BCAS3: variants seen among roughly 807,000 people sequenced by gnomAD.
BCAS3 encodes the protein BCAS4/BCAS3 fusion.
A neutral mutation model predicts 116.1 loss-of-function variants in BCAS3; 53 were observed. That is an observed-to-expected ratio of 0.46 (90% confidence interval 0.37 to 0.57). The LOEUF (loss-of-function observed/expected upper bound fraction) is 0.57. BCAS3 is among the 20% of genes least tolerant of loss of function. The pLI, the probability that BCAS3 is intolerant of heterozygous loss-of-function variation, is 0.00. For synonymous variants in BCAS3, 391 were observed against 408.2 expected (o/e 0.96, Z 0.51); for missense variants, 917 against 1,165.4 (o/e 0.79, Z 3.10).
chr17:60,879,092 G>A lies in BCAS3; in HGVS notation c.661+4354G>A, dbSNP rs79018148. On this transcript the variant is annotated intron_variant, in intron 9 of 23. Transcript: ENST00000407086. The stretch of plus-strand genomic sequence containing the variant: ...TATAGAGACTGGAGGATAGGATACT[G>A]GGATGTAGGGAGCAGGTGGGACAGG... Among the ~76,000 whole-genome samples the A allele has an allele frequency of 7.8e-3, 1,192 of 152,204 alleles. 29 individuals are homozygous for A. Among genetic ancestry groups the A allele is most frequent in the East Asian group, 0.068 (351 of 5,170 alleles).
intron 12 of BCAS3, 118 bp from the exon 13 acceptor site, chr17:60,924,289 T>C: frequency 2.5e-6 from 2 of 789,744 alleles, no homozygotes; most frequent in South Asian, 1.7e-5. Context: ...AAGAATAATC[T>C]GCTAGAGTGG....
chr17:60,988,347 T>C (rs1392944523), intron 14 of BCAS3, among the ~76,000 whole-genome samples: 1 of 143,730 alleles, frequency 7.0e-6, no homozygotes, highest in East Asian at 2.0e-4. Context: ...TCTTTTTTTT[T>C]TTTTTTTTTT....
At chr17:60,899,613 T>A (rs1450038885) in intron 10 of BCAS3, among the ~76,000 whole-genome samples, 1 of 152,102 alleles carries the variant, frequency 6.6e-6, no homozygotes, top group African/African-American at 2.4e-5. Context: ...TTCTCCTGCC[T>A]CAGCCTCCTG....
intron 22 of BCAS3, among the ~76,000 whole-genome samples, chr17:61,177,120 A>T (rs1210784769): frequency 6.6e-6 from 1 of 152,252 alleles, no homozygotes; most frequent in Non-Finnish European, 1.5e-5. Context: ...AAAATTGTAC[A>T]AATGTTTTGG....
At chr17:61,117,793 C>T (rs1042953590) in intron 22 of BCAS3, among the ~76,000 whole-genome samples, 1 of 152,030 alleles carries the variant, frequency 6.6e-6, no homozygotes, top group South Asian at 2.1e-4. Flanking sequence ...TGCATAGCCT[C>T]GCCTGTTATC....
rs921234281 is a variant in BCAS3 at position 61,300,742 on chromosome 17, A to G, written c.2426-67585A>G. On this transcript the variant is annotated intron_variant, in intron 22 of 23. Coordinates refer to ENST00000407086, the MANE Select transcript of BCAS3 (RefSeq NM_017679.5). This position sits in a 1 kb window ranked among gnomAD's most constrained non-coding sequence, Gnocchi z 5.1. ...TCACCTACCACAGAAAGTTCAGAGA[A>G]GTTTTTATTTCATATCTGATTAGCT... 6.6e-6 allele frequency among the ~76,000 whole-genome samples: 1 copy of G among 152,162 alleles called. No homozygotes were observed. Among genetic ancestry groups the G allele is most frequent in the Non-Finnish European group, 1.5e-5 (1 of 68,022 alleles).
chr17:60,771,164 G>T (rs988645378), intron 6 of BCAS3, among the ~76,000 whole-genome samples: 1 of 152,004 alleles, frequency 6.6e-6, no homozygotes, highest in African/African-American at 2.4e-5. Context: ...TGGTCTCCCA[G>T]TATATGGTTT....
At chr17:60,687,057 C>T (rs2034162834) in intron 3 of BCAS3, among the ~76,000 whole-genome samples, 1 of 152,108 alleles carries the variant, frequency 6.6e-6, no homozygotes, top group African/African-American at 2.4e-5. Context: ...AATAAGACAA[C>T]ATACAGAATG....
In BCAS3 at chr17:60,829,451, G is replaced by A. The variant is rs551244285; in HGVS notation, c.476+21375G>A. 5.9e-4 allele frequency among the ~76,000 whole-genome samples: 89 copies of A among 150,114 alleles called. 1 individual carries two copies. The highest frequency in any genetic ancestry group is 4.1e-4 in the Non-Finnish European group (28 of 67,846). ...AGAGGTTACAGTGAGCTGAGATCACGCCACTGCACTCCAGCGTGGACAATA... is the reference window on the plus strand; with the variant it reads ...AGAGGTTACAGTGAGCTGAGATCACACCACTGCACTCCAGCGTGGACAATA... On this transcript the variant is annotated intron_variant, in intron 7 of 23. Coordinates refer to ENST00000407086, the MANE Select transcript of BCAS3 (RefSeq NM_017679.5).
chr17:60,750,196 A>G (rs1295726457), intron 6 of BCAS3, among the ~76,000 whole-genome samples: 4 of 152,048 alleles, frequency 2.6e-5, no homozygotes, highest in Non-Finnish European at 5.9e-5. Context: ...AATCCATGTA[A>G]TTTACTGTAT....
At chr17:60,707,941 T>C (rs2037379439) in intron 4 of BCAS3, among the ~76,000 whole-genome samples, 1 of 152,146 alleles carries the variant, frequency 6.6e-6, no homozygotes, top group Non-Finnish European at 1.5e-5. Flanking sequence ...ATGAGGTGGA[T>C]TGATTTATAG....
At chr17:61,340,624 G>C (rs2057078650) in intron 22 of BCAS3, among the ~76,000 whole-genome samples, 1 of 152,182 alleles carries the variant, frequency 6.6e-6, no homozygotes, top group Non-Finnish European at 1.5e-5. Context: ...GTGAGTCGCT[G>C]CGGGGGACGG....
chr17:61,086,874 G>A (rs1708917956), intron 22 of BCAS3: 3 of 985,182 alleles, frequency 3.0e-6, no homozygotes, highest in South Asian at 4.7e-5. Flanking sequence ...CCTTTTGAAT[G>A]AGAAATATAT....
chr17:60,946,076 C>T (rs1031766009), intron 13 of BCAS3, among the ~76,000 whole-genome samples: 2 of 151,566 alleles, frequency 1.3e-5, no homozygotes, highest in African/African-American at 2.4e-5. Context: ...GCGTAGATCG[C>T]GCCACTGCAC....
intron 19 of BCAS3, among the ~76,000 whole-genome samples, chr17:61,050,826 C>CA (rs1208710061): frequency 6.6e-6 from 1 of 152,046 alleles, no homozygotes; most frequent in African/African-American, 2.4e-5. Context: ...GCAGAATACA[C>CA]ATTCTTTTCA....
intron 15 of BCAS3, among the ~76,000 whole-genome samples, chr17:60,999,903 A>AT (rs909405537): frequency 3.3e-5 from 5 of 151,772 alleles, no homozygotes; most frequent in South Asian, 2.1e-4. Context: ...TATTTTATGG[A>AT]TTTTTTTGTG....
At chr17:61,201,002 A>G (rs1334898870) in intron 22 of BCAS3, among the ~76,000 whole-genome samples, 1 of 152,206 alleles carries the variant, frequency 6.6e-6, no homozygotes, top group Non-Finnish European at 1.5e-5. Context: ...CAGAGCAAGA[A>G]AGGACAAATA....
At chr17:60,950,304 G>T (rs2145259895) in intron 14 of BCAS3, among the ~76,000 whole-genome samples, 1 of 152,116 alleles carries the variant, frequency 6.6e-6, no homozygotes, top group African/African-American at 2.4e-5. Flanking sequence ...GACAATAGAG[G>T]GATGGTTATG....
chr17:61,367,397 G>A lies in BCAS3; in HGVS notation c.2426-930G>A, dbSNP rs1990292. ...TGTATAATAAAGTAGAATAATTCAAGTTCGGACTTTGAAGTGATCTCACAT... is the reference window on the plus strand; with the variant it reads ...TGTATAATAAAGTAGAATAATTCAAATTCGGACTTTGAAGTGATCTCACAT... On this transcript the variant is annotated intron_variant, in intron 22 of 23. Transcript: ENST00000407086. This position sits in a 1 kb window ranked among gnomAD's most constrained non-coding sequence, Gnocchi z 6.2. The A allele has an allele frequency of 0.63, 95,353 of 152,474 alleles. 32,018 individuals are homozygous for A. The highest frequency in any genetic ancestry group is 0.77 in the Non-Finnish European group (52,173 of 67,992). The allele number at this position is 152,474 out of a possible 1,614,324, so 9.4% of individuals were successfully genotyped here.
Sources: gnomAD v4.1 joint callset for allele counts (sites outside exome capture counted in the v4.1 genomes callset) on GRCh38, gnomAD v4.1.1 for gene constraint, Gnocchi (gnomAD v3.1) non-coding constraint, MANE v1.5 for transcripts, NCBI Gene and HGNC (gene_info 2026-07-23, HGNC 2026-07-21) for gene names.